Variants in MTM1 observed in about 807,000 individuals in gnomAD.
The protein encoded by MTM1 is myotubularin 1.
Under a neutral mutation model 52.1 loss-of-function variants are expected in MTM1, and 9 were observed. That is an observed-to-expected ratio of 0.17 (90% CI 0.10 to 0.30). MTM1 has a LOEUF of 0.30. Among genes scored for constraint, MTM1 ranks in the 10% least tolerant of loss-of-function variants. The probability of loss-of-function intolerance (pLI) is 1.00; values close to 1 mark genes in which losing one functional copy is unlikely to be tolerated. For synonymous variants in MTM1, 136 were observed against 163.8 expected (o/e 0.83, Z 1.29); for missense variants, 277 against 470.7 (o/e 0.59, Z 3.81).
intron 4 of MTM1, among the ~76,000 whole-genome samples, chrX:150,604,757 G>A (rs1308640603): frequency 9.0e-6 from 1 of 110,716 alleles, no homozygotes; most frequent in Middle Eastern, 4.2e-3. Flanking sequence ...TATTCTATCT[G>A]CTCCCTAAGA....
chrX:150,606,737 T>C (rs188478112), intron 4 of MTM1, among the ~76,000 whole-genome samples: 5 of 111,079 alleles, frequency 4.5e-5, no homozygotes, highest in African/African-American at 1.6e-4. Context: ...TCTTACATTT[T>C]TGGTTTTCAT....
intron 4 of MTM1, among the ~76,000 whole-genome samples, chrX:150,605,075 C>G (rs782441519): frequency 9.0e-6 from 1 of 111,680 alleles, no homozygotes. Context: ...AAAATCGTTC[C>G]GAAGTATTTG....
intron 6 of MTM1, among the ~76,000 whole-genome samples, chrX:150,633,275 T>C (rs781991144): frequency 3.4e-4 from 38 of 112,070 alleles, no homozygotes; most frequent in African/African-American, 1.1e-3. Flanking sequence ...TAGTCAGTAG[T>C]AGAAATAGGA....
chrX:150,620,915 G>A (rs782184853), intron 6 of MTM1, among the ~76,000 whole-genome samples: 63 of 109,865 alleles, frequency 5.7e-4, no homozygotes, highest in African/African-American at 2.0e-3. Flanking sequence ...TCAGGAGTTC[G>A]AGACCATCCT....
chrX:150,582,079 C>T (rs1191988875), intron 1 of MTM1, among the ~76,000 whole-genome samples: 29 of 111,243 alleles, frequency 2.6e-4, no homozygotes, highest in Admixed American at 2.6e-3. Flanking sequence ...GTCATCTTCC[C>T]AACTCAGTTT....
At chrX:150,565,993 TACACAC>T (rs782745793), upstream of MTM1, among the ~76,000 whole-genome samples, 215 of 88,438 alleles carry the variant, frequency 2.4e-3, 2 homozygotes, top group African/African-American at 6.1e-3. Context: ...TGAAGATTCC[TACACAC>T]ACACACACAC....
intron 4 of MTM1, among the ~76,000 whole-genome samples, chrX:150,609,789 A>T (rs2039241715): frequency 9.0e-6 from 1 of 111,394 alleles, no homozygotes; most frequent in African/African-American, 3.3e-5. Flanking sequence ...CTAGATCCTC[A>T]TAGCCTCTCA....
At chrX:150,583,544 TA>T (rs1569565335) in intron 1 of MTM1, among the ~76,000 whole-genome samples, 6 of 21,870 alleles carry the variant, frequency 2.7e-4, no homozygotes, top group African/African-American at 2.1e-3. Flanking sequence ...TTATATATAT[TA>T]TACATAATTT....
At chrX:150,608,563 C>A (rs2039213055) in intron 4 of MTM1, among the ~76,000 whole-genome samples, 1 of 111,473 alleles carries the variant, frequency 9.0e-6, no homozygotes, top group Non-Finnish European at 1.9e-5. Flanking sequence ...ATATCGTGTG[C>A]AACGTGTTTT....
intron 4 of MTM1, among the ~76,000 whole-genome samples, chrX:150,600,704 T>G (rs1290930823): frequency 8.9e-6 from 1 of 112,357 alleles, no homozygotes; most frequent in Non-Finnish European, 1.9e-5. Context: ...GAGCAGGGAT[T>G]CGATTTATTC....
chrX:150,564,423 G>T (rs1257167290), upstream of MTM1, among the ~76,000 whole-genome samples: 1 of 110,935 alleles, frequency 9.0e-6, no homozygotes, highest in African/African-American at 3.3e-5. Context: ...TCACTCTGTC[G>T]CCAGGCTGGA....
At chrX:150,579,913 AGTT>A (rs1434041543) in intron 1 of MTM1, among the ~76,000 whole-genome samples, 1 of 111,824 alleles carries the variant, frequency 8.9e-6, no homozygotes, top group African/African-American at 3.3e-5. Context: ...TTATTCTAGT[AGTT>A]TTTTTGTAGT....
chrX:150,657,257 A>G (rs2040134271), intron 10 of MTM1, among the ~76,000 whole-genome samples: 1 of 111,624 alleles, frequency 9.0e-6, no homozygotes, highest in African/African-American at 3.3e-5. Flanking sequence ...GATTAAGGAA[A>G]TGTGGCACAT....
At chrX:150,614,759 A>G (rs1247815855) in intron 5 of MTM1, 60 bp downstream of exon 5, 2 of 609,263 alleles carry the variant, frequency 3.3e-6, no homozygotes, top group African/African-American at 4.5e-5. Context: ...GAATGATAGT[A>G]GACAATTAAT....
intron 11 of MTM1, among the ~76,000 whole-genome samples, chrX:150,658,266 T>A (rs2040159370): frequency 8.9e-6 from 1 of 112,264 alleles, no homozygotes; most frequent in African/African-American, 3.2e-5. Context: ...TAGAAATGTT[T>A]ACATTGAAAT....
At chrX:150,631,366 T>C (rs1214603995) in intron 6 of MTM1, among the ~76,000 whole-genome samples, 3 of 111,875 alleles carry the variant, frequency 2.7e-5, no homozygotes, top group African/African-American at 9.7e-5. Flanking sequence ...CTCAGACTTC[T>C]AAGGAATTAT....
At chrX:150,588,789 C>CA (rs782510094) in intron 1 of MTM1, among the ~76,000 whole-genome samples, 50 of 111,913 alleles carry the variant, frequency 4.5e-4, no homozygotes, top group African/African-American at 1.5e-3. Flanking sequence ...AACTACATAA[C>CA]AGTATATACA....
upstream of MTM1, among the ~76,000 whole-genome samples, chrX:150,566,245 C>T (rs2038261363): frequency 9.0e-6 from 1 of 111,650 alleles, no homozygotes; most frequent in South Asian, 3.8e-4. Flanking sequence ...AAGTAATTCT[C>T]CTGCCTCAGC....
intron 5 of MTM1, among the ~76,000 whole-genome samples, chrX:150,616,291 A>C (rs1358122132): frequency 3.6e-5 from 4 of 111,694 alleles, no homozygotes; most frequent in Non-Finnish European, 7.5e-5. Flanking sequence ...TTGTAGCACA[A>C]CCTTTTAACT....
Sources: gnomAD v4.1 joint callset for allele counts (sites outside exome capture counted in the v4.1 genomes callset) on GRCh38, gnomAD v4.1.1 for gene constraint, MANE v1.5 for transcripts, NCBI Gene and HGNC (gene_info 2026-07-23, HGNC 2026-07-21) for gene names.